TNFRSF8: variants seen among roughly 807,000 people sequenced by gnomAD.
TNFRSF8 encodes tumor necrosis factor receptor superfamily member 8.
TNFRSF8 carries 26 observed loss-of-function variants against 70.8 expected under a neutral mutation model. The ratio of observed to expected loss-of-function variants is 0.37; its 90% CI spans 0.27 to 0.51. The LOEUF (loss-of-function observed/expected upper bound fraction) is 0.51, where lower values mean the gene tolerates loss of function less well. Ranked by LOEUF, TNFRSF8 falls within the 20% of genes least tolerant of loss-of-function variation. The probability of loss-of-function intolerance (pLI) is 0.94; values close to 1 mark genes in which losing one functional copy is unlikely to be tolerated. For missense variants in TNFRSF8, 720 were observed against 807.9 expected (o/e 0.89, Z 1.32); for synonymous variants, 356 against 339.2 (o/e 1.05, Z -0.54).
chr1:12,111,954 G>A lies in TNFRSF8; in HGVS notation c.733G>A (p.Glu245Lys), dbSNP rs768991823. ...GTCTGGTGATTGCAGAAAGCAGTGT[G>A]AGCCCGACTACTACCTGGACGAGGC... ...EGSGDCRKQCEPDYYLDEAGR... is the reference protein window; with the variant it reads ...EGSGDCRKQCKPDYYLDEAGR... The change falls in exon 7 of 15, where the codon GAG becomes AAG. Residue 245 changes from glutamate to lysine, a missense_variant. By Grantham distance (56) the Glu-to-Lys change is moderately conservative. Transcript: ENST00000263932. 1 of 1,614,236 alleles carries A rather than the reference G, an allele frequency of 6.2e-7. No individual in the cohort carries two copies. Among genetic ancestry groups the A allele is most frequent in the South Asian group, 1.1e-5 (1 of 91,086 alleles).
intron 7 of TNFRSF8, among the ~76,000 whole-genome samples, chr1:12,115,376 C>A (rs918223449): frequency 2.0e-5 from 3 of 152,224 alleles, no homozygotes; most frequent in Non-Finnish European, 4.4e-5. Context: ...AGAATACCCT[C>A]GCTTTTTGCC....
At position 12,126,225 on chromosome 1, in the gene TNFRSF8, T is replaced by C; in HGVS notation, c.1298T>C (p.Leu433Pro). 6.2e-7 allele frequency: 1 copy of C among 1,614,102 alleles called. No homozygotes were observed. Among genetic ancestry groups the C allele is most frequent in the Non-Finnish European group, 8.5e-7 (1 of 1,180,018 alleles). ...CCGGTCCAGACCTCCCAGCCCAAGC[T>C]AGAGCTTGTGGGTGAGTGTCCAGCC... The part of the protein sequence containing the change: ...CYPVQTSQPK[L>P]ELVDSRPRRS... Residue 433 changes from leucine to proline, a missense_variant, in exon 12 of 15, where the codon CTA becomes CCA. By Grantham distance (98) the Leu-to-Pro change is moderately conservative (BLOSUM62 -3). Transcript: ENST00000263932.
intron 3 of TNFRSF8, among the ~76,000 whole-genome samples, chr1:12,100,560 T>G (rs1224310499): frequency 6.6e-6 from 1 of 152,100 alleles, no homozygotes; most frequent in African/African-American, 2.4e-5. Context: ...ATTATTTTAT[T>G]ATTTTTAACA....
In TNFRSF8 at chr1:12,126,213, C is replaced by T; in HGVS notation, c.1286C>T (p.Ser429Phe). 1 of 1,614,176 alleles carries T rather than the reference C, an allele frequency of 6.2e-7. No homozygotes were observed. The highest frequency in any genetic ancestry group is 1.7e-5 in the Admixed American group (1 of 60,018). Reference sequence around the variant, plus strand: ...CACCTGTGCTACCCGGTCCAGACCTCCCAGCCCAAGCTAGAGCTTGTGGGT... The same window carrying T: ...CACCTGTGCTACCCGGTCCAGACCTTCCAGCCCAAGCTAGAGCTTGTGGGT... Reference protein sequence around the residue: ...KLHLCYPVQTSQPKLELVDSR... With the variant: ...KLHLCYPVQTFQPKLELVDSR... Residue 429 changes from serine (S) to phenylalanine (F), a missense_variant, in exon 12 of 15, where the codon TCC (serine) becomes TTC (phenylalanine). Transcript: ENST00000263932.
At position 12,138,111 on chromosome 1, in the gene TNFRSF8, A is replaced by T; in HGVS notation, c.1336-118A>T. The stretch of plus-strand genomic sequence containing the variant: ...CGGGGCAGCTCATGGCAGCTTTTAA[A>T]GCAGAAAGGGGGACTCACTGGGGTC... On this transcript the variant is annotated intron_variant, in intron 13 of 14. Transcript: ENST00000263932. The surrounding 1 kb of genome is among the most constrained non-coding windows in gnomAD (Gnocchi z 5.7). 1 of 1,063,850 alleles carries T rather than the reference A, an allele frequency of 9.4e-7. No individual in the cohort carries two copies. Among genetic ancestry groups the T allele is most frequent in the Non-Finnish European group, 1.3e-6 (1 of 748,714 alleles). 65.9% of individuals were successfully genotyped at this position (1,063,850 alleles called of 1,614,324 possible). A position where few individuals can be genotyped will look rare whatever the true frequency, so the allele number is the denominator to read the frequency against.
In TNFRSF8 at chr1:12,108,984, T is replaced by G. The variant is rs1391233307; in HGVS notation, c.422-582T>G. On this transcript the variant is annotated intron_variant, in intron 4 of 14. Transcript: ENST00000263932. The surrounding 1 kb of genome is among the most constrained non-coding windows in gnomAD (Gnocchi z 4.0). The stretch of plus-strand genomic sequence containing the variant: ...GCATGTAGCAAAATCCCCAATTTTT[T>G]AGCACATGTAGCTTAAAAGTCTGGG... Among the ~76,000 whole-genome samples the G allele has an allele frequency of 2.0e-5, 3 of 152,178 alleles. No individual in the cohort carries two copies. Among genetic ancestry groups the G allele is most frequent in the Non-Finnish European group, 4.4e-5 (3 of 68,036 alleles).
chr1:12,080,788 G>A (rs1641051006), intron 1 of TNFRSF8, among the ~76,000 whole-genome samples: 1 of 152,132 alleles, frequency 6.6e-6, no homozygotes, highest in Non-Finnish European at 1.5e-5. Flanking sequence ...TCAAACTCCT[G>A]GCCTCAGCTG....
In TNFRSF8 at chr1:12,123,363, C is replaced by T. The variant is rs1360533854; in HGVS notation, c.1026C>T (p.Gly342=). Residue 342 remains glycine (G), a synonymous_variant, in exon 9 of 15, where the codon GGC becomes GGT. Coordinates refer to ENST00000263932, the MANE Select transcript of TNFRSF8 (RefSeq NM_001243.5). ...QPDCNPTPEN[G]EAPASTSPTQ... ...ACTGCAACCCCACCCCAGAGAATGGCGAGGCGCCTGCCAGGTGACTCCCCC... is the reference window on the plus strand; with the variant it reads ...ACTGCAACCCCACCCCAGAGAATGGTGAGGCGCCTGCCAGGTGACTCCCCC... The T allele has an allele frequency of 3.1e-6, 5 of 1,610,592 alleles. No homozygotes were observed. Among genetic ancestry groups the T allele is most frequent in the Non-Finnish European group, 3.4e-6 (4 of 1,178,660 alleles).
intron 3 of TNFRSF8, among the ~76,000 whole-genome samples, chr1:12,102,046 G>A (rs1015503909): frequency 4.6e-5 from 7 of 152,168 alleles, no homozygotes; most frequent in South Asian, 2.1e-4. Flanking sequence ...TCTGTGGTGC[G>A]TGAAGGTATC....
Position 12,063,973 on chromosome 1 carries a change from C to G in TNFRSF8, c.63+312C>G, listed in dbSNP as rs1245065916. Among the ~76,000 whole-genome samples the G allele has an allele frequency of 6.6e-6, 1 of 152,348 alleles. No individual in the cohort carries two copies. The highest frequency in any genetic ancestry group is 2.4e-5 in the African/African-American group (1 of 41,590). ...TCTTTAGCCCGCCTACCTGCGGGCC[C>G]GTCGGGGTCCTGGGCAGATCAGGTG... On this transcript the variant is annotated intron_variant, in intron 1 of 14. Transcript: ENST00000263932. This position sits in a 1 kb window ranked among gnomAD's most constrained non-coding sequence, Gnocchi z 7.2.
intron 1 of TNFRSF8, among the ~76,000 whole-genome samples, chr1:12,073,685 C>G (rs1640888464): frequency 6.6e-6 from 1 of 151,532 alleles, no homozygotes; most frequent in African/African-American, 2.4e-5. Context: ...CCTCTGCCTC[C>G]CGGGTTCAAA....
intron 3 of TNFRSF8, among the ~76,000 whole-genome samples, chr1:12,103,971 C>T (rs1250198508): frequency 6.6e-6 from 1 of 152,168 alleles, no homozygotes; most frequent in Non-Finnish European, 1.5e-5. Context: ...ATCACCGTGG[C>T]ATCCAGAATA....
intron 4 of TNFRSF8, among the ~76,000 whole-genome samples, chr1:12,104,926 G>C (rs969524024): frequency 2.0e-5 from 3 of 152,214 alleles, no homozygotes; most frequent in Non-Finnish European, 2.9e-5. Flanking sequence ...GAGGTGCTGA[G>C]AGATCTGGCC....
rs1412592629 is a variant in TNFRSF8, at chr1:12,138,675, T to C, written c.1543+239T>C. Among the ~76,000 whole-genome samples, 2 of 152,078 alleles carry C rather than the reference T, an allele frequency of 1.3e-5. 1 individual carries two copies. The highest frequency in any genetic ancestry group is 4.1e-4 in the South Asian group (2 of 4,820). ...TGCATGAGATGCCTGCTGTTACTCA[T>C]AAAAAACGAACACCACCCCAGCCCC... On this transcript the variant is annotated intron_variant, in intron 14 of 14. Transcript: ENST00000263932. The surrounding 1 kb of genome is among the most constrained non-coding windows in gnomAD (Gnocchi z 5.7).
At chr1:12,127,266 A>G (rs759858127) in intron 12 of TNFRSF8, among the ~76,000 whole-genome samples, 1 of 152,042 alleles carries the variant, frequency 6.6e-6, no homozygotes, top group Non-Finnish European at 1.5e-5. Context: ...TTCGTTTCTG[A>G]TTTGCAAGGT....
intron 1 of TNFRSF8, among the ~76,000 whole-genome samples, chr1:12,081,763 C>T (rs576775322): frequency 6.6e-6 from 1 of 152,284 alleles, no homozygotes; most frequent in South Asian, 2.1e-4. Flanking sequence ...ACTGCTCCCT[C>T]GAGTGGAGAG....
chr1:12,117,472 C>T (rs1641753922), intron 8 of TNFRSF8, among the ~76,000 whole-genome samples: 1 of 152,102 alleles, frequency 6.6e-6, no homozygotes, highest in South Asian at 2.1e-4. Context: ...TTTGTAAAGC[C>T]CTCTTTACTT....
chr1:12,121,618 C>T (rs1399392819), intron 8 of TNFRSF8, among the ~76,000 whole-genome samples: 1 of 152,232 alleles, frequency 6.6e-6, no homozygotes, highest in Non-Finnish European at 1.5e-5. Context: ...AGCCCTGCGG[C>T]TCTCTCCATC....
chr1:12,112,678 GA>G lies in TNFRSF8; in HGVS notation c.793+665del, dbSNP rs1641654138. On this transcript the variant is annotated intron_variant, in intron 7 of 14. Transcript: ENST00000263932. This position sits in a 1 kb window ranked among gnomAD's most constrained non-coding sequence, Gnocchi z 5.3. The stretch of plus-strand genomic sequence containing the variant: ...CCTAAATTGCTGGGATTATAGGCAT[GA>G]GCCACCATGCCCGGCCTGCGAGCTG... Among the ~76,000 whole-genome samples, 1 of 152,178 alleles carries G rather than the reference GA, an allele frequency of 6.6e-6. No homozygotes were observed. Among genetic ancestry groups the G allele is most frequent in the Non-Finnish European group, 1.5e-5 (1 of 68,040 alleles).
Sources: allele counts gnomAD v4.1 joint callset (sites outside exome capture counted in the v4.1 genomes callset), GRCh38; gene constraint gnomAD v4.1.1; non-coding constraint Gnocchi (gnomAD v3.1); transcripts MANE v1.5; gene names NCBI Gene and HGNC (gene_info 2026-07-23, HGNC 2026-07-21).